The following SRPK2 variants were observed in gnomAD, a reference collection of about 807,000 sequenced individuals.
SRPK2 encodes the protein SFRS protein kinase 2.
SRPK2 carries 21 observed loss-of-function variants against 90.8 expected under a neutral mutation model. The observed-to-expected ratio is 0.23, with a 90% confidence interval of 0.16 to 0.33. The LOEUF is 0.33. SRPK2 is among the 10% of genes least tolerant of loss of function. The probability of loss-of-function intolerance (pLI) is 1.00; values close to 1 mark genes in which losing one functional copy is unlikely to be tolerated. For missense variants in SRPK2, 620 were observed against 869.0 expected, an observed-to-expected ratio of 0.71 and a Z score of 3.60; for synonymous variants, 288 against 311.1, an observed-to-expected ratio of 0.93 and a Z score of 0.78.
intron 2 of SRPK2, among the ~76,000 whole-genome samples, chr7:105,287,694 C>G (rs1287768031): frequency 4.6e-5 from 7 of 152,100 alleles, no homozygotes; most frequent in African/African-American, 1.7e-4. Context: ...TGAGATCACA[C>G]CACTGCACTC....
chr7:105,315,608 T>G (rs1350632098), intron 2 of SRPK2, among the ~76,000 whole-genome samples: 6 of 152,220 alleles, frequency 3.9e-5, no homozygotes. Context: ...CTTTTATGCT[T>G]CAAATATTGG....
At chr7:105,288,652 A>C (rs932774463) in intron 2 of SRPK2, among the ~76,000 whole-genome samples, 1 of 152,132 alleles carries the variant, frequency 6.6e-6, no homozygotes, top group East Asian at 1.9e-4. Flanking sequence ...TAAGCAGCCC[A>C]AAAAATAACA....
At chr7:105,297,554 CG>C (rs1244170161) in intron 2 of SRPK2, 29 of 949,662 alleles carry the variant, frequency 3.1e-5, no homozygotes, top group Non-Finnish European at 3.6e-5. Context: ...TAAGGCACAC[CG>C]TTTACCATTT....
chr7:105,167,876 G>A (rs1453981585), intron 5 of SRPK2, 132 bp downstream of exon 5: 2 of 700,796 alleles, frequency 2.9e-6, no homozygotes, highest in Non-Finnish European at 4.7e-6. Flanking sequence ...CTCCCAAAGT[G>A]CTGAGATTAT....
intron 2 of SRPK2, among the ~76,000 whole-genome samples, chr7:105,250,324 G>A (rs1371513515): frequency 6.6e-6 from 1 of 151,238 alleles, no homozygotes; most frequent in Non-Finnish European, 1.5e-5. Flanking sequence ...TGGGCAACGG[G>A]AGCAAAACTC....
chr7:105,169,098 A>G (rs1454225415), intron 4 of SRPK2, 59 bp downstream of exon 4: 16 of 1,458,626 alleles, frequency 1.1e-5, no homozygotes, highest in Middle Eastern at 2.4e-4. Flanking sequence ...ATACCTTCTT[A>G]GAACACAGAT....
chr7:105,237,601 G>GA (rs1393143222), intron 2 of SRPK2, among the ~76,000 whole-genome samples: 1 of 152,136 alleles, frequency 6.6e-6, no homozygotes, highest in Non-Finnish European at 1.5e-5. Context: ...CTAGAAAAAT[G>GA]AAAAAACAAA....
At chr7:105,228,493 A>G (rs1373393152) in intron 2 of SRPK2, among the ~76,000 whole-genome samples, 3 of 152,218 alleles carry the variant, frequency 2.0e-5, no homozygotes, top group Admixed American at 6.5e-5. Context: ...GGCCTAATGT[A>G]AGAATGTAGA....
intron 11 of SRPK2, among the ~76,000 whole-genome samples, chr7:105,138,697 G>A (rs1446745268): frequency 6.6e-6 from 1 of 152,140 alleles, no homozygotes; most frequent in African/African-American, 2.4e-5. Flanking sequence ...GCTACTTGGG[G>A]GCTGAGGTGG....
chr7:105,364,404 C>A (rs1211914582), intron 2 of SRPK2, among the ~76,000 whole-genome samples: 1 of 116,404 alleles, frequency 8.6e-6, no homozygotes, highest in Non-Finnish European at 1.8e-5. Context: ...CCGTGTGTAA[C>A]GTTTTTTTTT....
chr7:105,319,042 A>G (rs1312025660), intron 2 of SRPK2, among the ~76,000 whole-genome samples: 1 of 152,228 alleles, frequency 6.6e-6, no homozygotes, highest in Non-Finnish European at 1.5e-5. Flanking sequence ...TCTCAGCTAA[A>G]ATAAAAACAA....
rs573771363 is a variant in SRPK2, at chr7:105,321,951, C to T, written c.71+66697G>A. On this transcript the variant is annotated intron_variant, in intron 2 of 15. Coordinates refer to ENST00000393651, the MANE Select transcript of SRPK2 (RefSeq NM_182692.3). ...CAGCAATTCCACTCATAGGTAGAAA[C>T]CCAAAAGAAGTGAAAACTAGTACTT... Among the ~76,000 whole-genome samples, 57 of 152,144 alleles carry T rather than the reference C, an allele frequency of 3.7e-4. 1 individual carries two copies. Among genetic ancestry groups the T allele is most frequent in the African/African-American group, 1.4e-3 (57 of 41,518 alleles).
intron 3 of SRPK2, among the ~76,000 whole-genome samples, chr7:105,198,517 A>G (rs1421880926): frequency 1.3e-5 from 2 of 152,182 alleles, no homozygotes; most frequent in Admixed American, 1.3e-4. Context: ...ACCAGAGGTG[A>G]TATGTAAAAA....
At chr7:105,374,782 T>G (rs947335054) in intron 2 of SRPK2, among the ~76,000 whole-genome samples, 1 of 152,114 alleles carries the variant, frequency 6.6e-6, no homozygotes, top group African/African-American at 2.4e-5. Context: ...GCTATTTTTG[T>G]GTTTTTAGTA....
At chr7:105,145,858 T>C (rs371908083) in intron 8 of SRPK2, among the ~76,000 whole-genome samples, 1 of 152,126 alleles carries the variant, frequency 6.6e-6, no homozygotes, top group Non-Finnish European at 1.5e-5. Flanking sequence ...GTAAAGGAGA[T>C]GTGAAGAGAG....
At chr7:105,365,869 TTTTTTTA>T (rs964917897) in intron 2 of SRPK2, among the ~76,000 whole-genome samples, 10 of 152,068 alleles carry the variant, frequency 6.6e-5, no homozygotes, top group African/African-American at 2.4e-4. Flanking sequence ...CTTCCTTTTT[TTTTTTTA>T]GACGGAGTCT....
chr7:105,169,044 T>A, intron 4 of SRPK2, 113 bp downstream of exon 4: 2 of 838,492 alleles, frequency 2.4e-6, no homozygotes, highest in South Asian at 3.5e-5. Context: ...AGGCCTGTGC[T>A]AAGCACTTCA....
intron 2 of SRPK2, among the ~76,000 whole-genome samples, chr7:105,386,238 C>A (rs1688871142): frequency 7.0e-6 from 1 of 142,928 alleles, no homozygotes; most frequent in Non-Finnish European, 1.5e-5. Context: ...GGCGTGAATT[C>A]GGGAGGCGGA....
intron 2 of SRPK2, among the ~76,000 whole-genome samples, chr7:105,328,327 C>T (rs532195254): frequency 1.3e-5 from 2 of 151,746 alleles, no homozygotes; most frequent in Admixed American, 6.6e-5. Context: ...TTTGGGAAGC[C>T]GAGGCGGGTG....
Sources: gnomAD v4.1 joint callset for allele counts (sites outside exome capture counted in the v4.1 genomes callset) on GRCh38, gnomAD v4.1.1 for gene constraint, MANE v1.5 for transcripts, NCBI Gene and HGNC (gene_info 2026-07-23, HGNC 2026-07-21) for gene names.